Variants in UBE2E2 observed in about 807,000 individuals in gnomAD.
The protein encoded by UBE2E2 is ubiquitin conjugating enzyme E2 E2.
Under a neutral mutation model 24.7 loss-of-function variants are expected in UBE2E2, and 6 were observed. The ratio of observed to expected loss-of-function variants is 0.24; its 90% CI spans 0.13 to 0.48. UBE2E2 has a LOEUF of 0.48. UBE2E2 is among the 20% of genes least tolerant of loss of function. The pLI is 0.99. For missense variants in UBE2E2, 169 were observed against 245.0 expected, an observed-to-expected ratio of 0.69 and a Z score of 2.07; for synonymous variants, 104 against 83.6, an observed-to-expected ratio of 1.24 and a Z score of -1.33.
chr3:23,345,168 A>G (rs1212162792), intron 3 of UBE2E2, among the ~76,000 whole-genome samples: 2 of 152,208 alleles, frequency 1.3e-5, no homozygotes, highest in South Asian at 2.1e-4. Flanking sequence ...CTGTCAGTGC[A>G]CTTAAAATTG....
At chr3:23,376,983 G>A (rs915625901) in intron 3 of UBE2E2, among the ~76,000 whole-genome samples, 47 of 152,206 alleles carry the variant, frequency 3.1e-4, no homozygotes, top group African/African-American at 1.1e-3. Context: ...CATTCACATA[G>A]CAAACTATGT....
At chr3:23,487,917 G>C (rs900942488) in intron 3 of UBE2E2, among the ~76,000 whole-genome samples, 21 of 151,808 alleles carry the variant, frequency 1.4e-4, no homozygotes, top group Non-Finnish European at 2.5e-4. Flanking sequence ...TGATAACGTT[G>C]GCTTCCAGAC....
chr3:23,235,171 A>G (rs981800276), intron 3 of UBE2E2, among the ~76,000 whole-genome samples: 5 of 152,210 alleles, frequency 3.3e-5, no homozygotes, highest in African/African-American at 1.2e-4. Flanking sequence ...AACAAAACAG[A>G]AAAATTGCCT....
intron 3 of UBE2E2, among the ~76,000 whole-genome samples, chr3:23,306,014 C>T (rs1035681848): frequency 6.6e-6 from 1 of 152,196 alleles, no homozygotes; most frequent in Non-Finnish European, 1.5e-5. Context: ...CAAGGGCTGA[C>T]ATGACCATAT....
rs945626876 is a variant in UBE2E2, at chr3:23,314,385, C to T, written c.227+97073C>T. 3.3e-5 allele frequency among the ~76,000 whole-genome samples: 5 copies of T among 152,282 alleles called. No homozygotes were observed. The East Asian group carries it at 9.6e-4, about 29-fold the overall frequency. On this transcript the variant is annotated intron_variant, in intron 3 of 5. Transcript: ENST00000396703. The stretch of plus-strand genomic sequence containing the variant: ...GCTCAAGTGATCCTCTCGCCTCTAC[C>T]TCCTAAAGTGTTGGGATTACAGGTG...
At chr3:23,354,922 A>T (rs1331968917) in intron 3 of UBE2E2, among the ~76,000 whole-genome samples, 1 of 152,104 alleles carries the variant, frequency 6.6e-6, no homozygotes, top group Non-Finnish European at 1.5e-5. Flanking sequence ...ATAAAGACAC[A>T]TGCACACGTA....
chr3:23,497,675 C>T (rs1261940237), intron 3 of UBE2E2, among the ~76,000 whole-genome samples: 2 of 152,114 alleles, frequency 1.3e-5, no homozygotes, highest in Non-Finnish European at 2.9e-5. Flanking sequence ...ATATTTTGTG[C>T]ACTCATGACG....
intron 3 of UBE2E2, among the ~76,000 whole-genome samples, chr3:23,443,301 A>G (rs1264399764): frequency 1.3e-5 from 2 of 152,220 alleles, no homozygotes; most frequent in Admixed American, 6.5e-5. Flanking sequence ...CCGGAAGCAG[A>G]GCAGCATGTG....
At chr3:23,400,444 A>G (rs1697190199) in intron 3 of UBE2E2, among the ~76,000 whole-genome samples, 1 of 152,148 alleles carries the variant, frequency 6.6e-6, no homozygotes, top group African/African-American at 2.4e-5. Flanking sequence ...AGCTGGGACT[A>G]CAGGTGCATG....
At chr3:23,436,434 C>T (rs752501767) in intron 3 of UBE2E2, among the ~76,000 whole-genome samples, 6 of 152,130 alleles carry the variant, frequency 3.9e-5, no homozygotes, top group East Asian at 1.9e-4. Context: ...CTTCAGAATT[C>T]GTACACTGTA....
At chr3:23,584,094 C>T (rs1420224279) in intron 5 of UBE2E2, among the ~76,000 whole-genome samples, 1 of 152,140 alleles carries the variant, frequency 6.6e-6, no homozygotes, top group Non-Finnish European at 1.5e-5. Context: ...TATGTTCCTT[C>T]AGTGCCTAGT....
intron 3 of UBE2E2, among the ~76,000 whole-genome samples, chr3:23,278,604 T>A (rs1346372772): frequency 6.6e-6 from 1 of 152,156 alleles, no homozygotes; most frequent in Non-Finnish European, 1.5e-5. Context: ...TTTTAATGTA[T>A]AATATATCTG....
chr3:23,353,486 C>T (rs1257660031), intron 3 of UBE2E2, among the ~76,000 whole-genome samples: 2 of 152,086 alleles, frequency 1.3e-5, no homozygotes, highest in Non-Finnish European at 2.9e-5. Flanking sequence ...TCTAGAAAAC[C>T]CCATCGTGTC....
chr3:23,224,798 T>C (rs1338664436), intron 3 of UBE2E2, among the ~76,000 whole-genome samples: 2 of 152,188 alleles, frequency 1.3e-5, no homozygotes, highest in African/African-American at 2.4e-5. Context: ...AATGCTGTTA[T>C]GAACATTTAT....
intron 5 of UBE2E2, among the ~76,000 whole-genome samples, chr3:23,540,089 G>C (rs1030130504): frequency 6.6e-6 from 1 of 151,954 alleles, no homozygotes; most frequent in African/African-American, 2.4e-5. Context: ...TTAGAGATGG[G>C]GTCTTGCTCT....
chr3:23,463,964 T>G (rs982526272), intron 3 of UBE2E2, among the ~76,000 whole-genome samples: 2 of 152,160 alleles, frequency 1.3e-5, no homozygotes, highest in Non-Finnish European at 1.5e-5. Flanking sequence ...ATACAGAACA[T>G]ATGAACTGTG....
chr3:23,371,889 G>A (rs1164726397), intron 3 of UBE2E2, among the ~76,000 whole-genome samples: 1 of 152,082 alleles, frequency 6.6e-6, no homozygotes, highest in Non-Finnish European at 1.5e-5. Context: ...AGGCCAAGGC[G>A]GGTGGATCAT....
At chr3:23,292,692 G>A (rs1366152895) in intron 3 of UBE2E2, among the ~76,000 whole-genome samples, 3 of 152,208 alleles carry the variant, frequency 2.0e-5, no homozygotes, top group Non-Finnish European at 2.9e-5. Context: ...AGACAGCCTT[G>A]GCTCTGCCAC....
chr3:23,539,129 G>A (rs547740215), intron 5 of UBE2E2, among the ~76,000 whole-genome samples: 42 of 152,312 alleles, frequency 2.8e-4, no homozygotes, highest in Non-Finnish European at 5.1e-4. Flanking sequence ...AGCTTCAGGT[G>A]AGGGATGACT....
Sources: gnomAD v4.1 joint callset for allele counts (sites outside exome capture counted in the v4.1 genomes callset) on GRCh38, gnomAD v4.1.1 for gene constraint, MANE v1.5 for transcripts, NCBI Gene and HGNC (gene_info 2026-07-23, HGNC 2026-07-21) for gene names.